The following COL23A1 variants were observed in gnomAD, a reference collection of about 807,000 sequenced individuals.
The protein encoded by COL23A1 is collagen type XXIII alpha 1 chain, also known as collagen alpha-1(XXIII) chain.
In COL23A1, 97 loss-of-function variants were observed where a neutral mutation model predicts 99.3. The observed-to-expected ratio is 0.98, with a 90% CI of 0.83 to 1.16. The LOEUF (loss-of-function observed/expected upper bound fraction) is 1.16. Ranked by LOEUF, COL23A1 falls within the 50% of genes most tolerant of loss-of-function variation. The pLI, the probability that COL23A1 is intolerant of heterozygous loss-of-function variation, is 0.00. For missense variants in COL23A1, 762 were observed against 757.4 expected (o/e 1.01, Z -0.07); for synonymous variants, 320 against 308.2 (o/e 1.04, Z -0.40).
chr5:178,305,316 A>AC (rs5873607), intron 3 of COL23A1, among the ~76,000 whole-genome samples: 113,910 of 151,940 alleles, frequency 0.75, 43,246 homozygotes, highest in African/African-American at 0.79. Context: ...GACACTGCAA[A>AC]CCAGTGGAAC....
chr5:178,286,672 C>T (rs1757171497), intron 5 of COL23A1, among the ~76,000 whole-genome samples: 1 of 152,216 alleles, frequency 6.6e-6, no homozygotes. Context: ...ACAGGGCCAG[C>T]TGCCGGCACC....
At position 178,423,708 on chromosome 5, in the gene COL23A1, TAGTCA is replaced by T. The variant is rs1019425219; in HGVS notation, c.362-116794_362-116790del. 4.6e-5 allele frequency among the ~76,000 whole-genome samples: 7 copies of T among 152,236 alleles called. No individual in the cohort carries two copies. The South Asian group carries it at 1.5e-3, about 32-fold the overall frequency. The stretch of plus-strand genomic sequence containing the variant: ...ATCCTACTCTAGCACGGCAGTCCTG[TAGTCA>T]CATTCATCACCGTCCTCAGGTTACC... On this transcript the variant is annotated intron_variant, in intron 2 of 28. Transcript: ENST00000390654.
At chr5:178,346,296 C>A (rs148434950) in intron 2 of COL23A1, among the ~76,000 whole-genome samples, 1 of 152,018 alleles carries the variant, frequency 6.6e-6, no homozygotes, top group Non-Finnish European at 1.5e-5. Flanking sequence ...TGCATTGGTG[C>A]GATCTCGGCT....
At chr5:178,357,734 G>GTA (rs1561894430) in intron 2 of COL23A1, among the ~76,000 whole-genome samples, 2 of 148,318 alleles carry the variant, frequency 1.3e-5, no homozygotes, top group Non-Finnish European at 3.0e-5. Flanking sequence ...GTGTGTGTGT[G>GTA]TGTATGTACG....
chr5:178,362,550 C>T (rs949367786), intron 2 of COL23A1, among the ~76,000 whole-genome samples: 2 of 152,184 alleles, frequency 1.3e-5, no homozygotes, highest in Non-Finnish European at 2.9e-5. Flanking sequence ...AAGTCTTAGC[C>T]TCTCCCACCC....
At position 178,239,132 on chromosome 5, in the gene COL23A1, G is replaced by C; in HGVS notation, c.1620+9C>G. On this transcript the variant is annotated intron_variant, in intron 28 of 28. Coordinates refer to ENST00000390654, the MANE Select transcript of COL23A1 (RefSeq NM_173465.4). ...CCAAGCCTGCCCTGGAGACTTCCCT[G>C]CACGGTACCTTATGCCAGCAGCCAG... 6.2e-7 allele frequency: 1 copy of C among 1,613,846 alleles called. No homozygotes were observed. Among genetic ancestry groups the C allele is most frequent in the Non-Finnish European group, 8.5e-7 (1 of 1,179,832 alleles).
intron 2 of COL23A1, among the ~76,000 whole-genome samples, chr5:178,326,751 G>A (rs533207736): frequency 9.9e-5 from 15 of 152,202 alleles, no homozygotes; most frequent in African/African-American, 1.4e-4. Context: ...ACGGAGTCTC[G>A]CTCTGTCACC....
At chr5:178,480,137 G>A (rs1199432962) in intron 2 of COL23A1, among the ~76,000 whole-genome samples, 3 of 149,086 alleles carry the variant, frequency 2.0e-5, no homozygotes, top group Non-Finnish European at 4.4e-5. Flanking sequence ...GTGCATGATT[G>A]TACTCCAGAA....
chr5:178,399,318 G>A (rs760505856), intron 2 of COL23A1, among the ~76,000 whole-genome samples: 1 of 152,216 alleles, frequency 6.6e-6, no homozygotes, highest in Non-Finnish European at 1.5e-5. Flanking sequence ...GGGCCCCTGG[G>A]AGGGAGAGGG....
intron 2 of COL23A1, among the ~76,000 whole-genome samples, chr5:178,491,700 GA>G (rs1427921566): frequency 1.3e-5 from 2 of 152,052 alleles, no homozygotes; most frequent in Middle Eastern, 3.4e-3. Context: ...GAAACATCTT[GA>G]TTTTTTTTTC....
intron 2 of COL23A1, among the ~76,000 whole-genome samples, chr5:178,371,101 A>G (rs1762777121): frequency 2.0e-5 from 3 of 152,142 alleles, no homozygotes. Flanking sequence ...TCTCTCTGCC[A>G]TGTAGACATG....
chr5:178,544,916 AC>A lies in COL23A1; in HGVS notation c.361+15765del, dbSNP rs767210694. On this transcript the variant is annotated intron_variant, in intron 2 of 28. Transcript: ENST00000390654. The surrounding 1 kb of genome is among the most constrained non-coding windows in gnomAD (Gnocchi z 4.4). ...AAACCCCGTCTCTAGAACAACAACA[AC>A]AAAAAAAGAAAAATTAACAAAATTT... Among the ~76,000 whole-genome samples the A allele has an allele frequency of 1.3e-5, 2 of 151,978 alleles. No homozygotes were observed. Among genetic ancestry groups the A allele is most frequent in the African/African-American group, 2.4e-5 (1 of 41,380 alleles).
chr5:178,267,319 G>A lies in COL23A1; in HGVS notation c.510C>T (p.Asp170=). The A allele has an allele frequency of 6.2e-7, 1 of 1,614,088 alleles. No individual in the cohort carries two copies. The highest frequency in any genetic ancestry group is 8.5e-7 in the Non-Finnish European group (1 of 1,179,994). ...GCCTGGTTCTTACCCGGGGGCCAAA[G>A]TCTCCTGGTGCACCCTGGGAACAAA... ...GPKGEKGAPG[D]FGPRGDQGQD... The change falls in exon 8 of 29, where the codon GAC becomes GAT. Residue 170 remains aspartate, a synonymous_variant. Transcript: ENST00000390654.
chr5:178,425,713 G>C (rs1341476740), intron 2 of COL23A1, among the ~76,000 whole-genome samples: 3 of 152,186 alleles, frequency 2.0e-5, no homozygotes, highest in Admixed American at 6.5e-5. Flanking sequence ...ATGGCAGGCC[G>C]GCCATCTGCA....
chr5:178,257,374 C>T (rs997444330), intron 13 of COL23A1, 149 bp downstream of exon 13: 80 of 863,640 alleles, frequency 9.3e-5, no homozygotes, highest in Middle Eastern at 2.9e-4. Context: ...GTGGTGGGGC[C>T]GCGGCCTTCC....
chr5:178,549,178 G>C (rs1761875492), intron 2 of COL23A1, among the ~76,000 whole-genome samples: 1 of 152,036 alleles, frequency 6.6e-6, no homozygotes, highest in Admixed American at 6.6e-5. Context: ...ATTTTTAGTA[G>C]AGACGGGGTT....
intron 2 of COL23A1, among the ~76,000 whole-genome samples, chr5:178,332,631 C>A (rs1035065354): frequency 4.6e-5 from 7 of 152,284 alleles, no homozygotes; most frequent in African/African-American, 1.7e-4. Context: ...ACACAAGAAA[C>A]AGACTCGTTC....
chr5:178,290,499 G>T, intron 3 of COL23A1, 130 bp from the exon 4 acceptor site: 1 of 1,210,102 alleles, frequency 8.3e-7, no homozygotes, highest in Non-Finnish European at 1.2e-6. Context: ...CTTTGATGCT[G>T]CCATGGCTGT....
chr5:178,253,380 A>G (rs1448667547), intron 16 of COL23A1, among the ~76,000 whole-genome samples: 1 of 150,340 alleles, frequency 6.7e-6, no homozygotes, highest in Non-Finnish European at 1.5e-5. Flanking sequence ...CAGGCCCAGG[A>G]CCTCCCTGCC....
Sources: gnomAD v4.1 joint callset for allele counts (sites outside exome capture counted in the v4.1 genomes callset) on GRCh38, gnomAD v4.1.1 for gene constraint, Gnocchi (gnomAD v3.1) non-coding constraint, MANE v1.5 for transcripts, NCBI Gene and HGNC (gene_info 2026-07-23, HGNC 2026-07-21) for gene names.